ATP11A: variants seen among roughly 807,000 people sequenced by gnomAD.
The protein encoded by ATP11A is ATPase phospholipid transporting 11A.
A neutral mutation model predicts 154.4 loss-of-function variants in ATP11A; 81 were observed. That is an observed-to-expected ratio of 0.52 (90% CI 0.44 to 0.63). The LOEUF (loss-of-function observed/expected upper bound fraction) is 0.63, where lower values mean the gene tolerates loss of function less well. Among genes scored for constraint, ATP11A ranks in the 30% least tolerant of loss-of-function variants. The probability of loss-of-function intolerance (pLI) is 0.00; values close to 1 mark genes in which losing one functional copy is unlikely to be tolerated. For missense variants in ATP11A, 1,316 were observed against 1,474.3 expected (o/e 0.89, Z 1.76); for synonymous variants, 623 against 585.9 (o/e 1.06, Z -0.91).
chr13:112,877,786 G>A (rs1279806038), intron 28 of ATP11A, among the ~76,000 whole-genome samples: 11 of 152,324 alleles, frequency 7.2e-5, no homozygotes, highest in East Asian at 3.9e-4. Flanking sequence ...CGGGGCTGCC[G>A]AGGGCCACGC....
chr13:112,821,492 A>G (rs1435659149), intron 8 of ATP11A, among the ~76,000 whole-genome samples: 1 of 151,988 alleles, frequency 6.6e-6, no homozygotes, highest in Non-Finnish European at 1.5e-5. Flanking sequence ...TTTTGTATTT[A>G]TAGTAGAGAT....
intron 25 of ATP11A, among the ~76,000 whole-genome samples, chr13:112,867,692 C>CCA (rs2080381933): frequency 6.6e-6 from 1 of 152,208 alleles, no homozygotes; most frequent in African/African-American, 2.4e-5. Context: ...CCGGCTGTAC[C>CCA]CTCCAGCCCC....
At position 112,832,927 on chromosome 13, in the gene ATP11A, G is replaced by A. The variant is rs371230621; in HGVS notation, c.1463G>A (p.Ser488Asn). The A allele has an allele frequency of 6.8e-6, 11 of 1,614,114 alleles. No homozygotes were observed. The highest frequency in any genetic ancestry group is 3.3e-4 in the Middle Eastern group (2 of 6,048). Residue 488 changes from serine (S) to asparagine (N), a missense_variant, in exon 14 of 30, where the codon AGC (serine) becomes AAC (asparagine). Ser to Asn is a conservative substitution (Grantham distance 46). Coordinates refer to ENST00000375645, the MANE Select transcript of ATP11A (RefSeq NM_015205.3). ...ACCGTCCAGGTGAAAGACGATGACA[G>A]CGTAGACGGCCCCAGGAAATCGCCG... is the stretch of plus-strand genomic sequence containing the variant. Reference protein sequence around the residue: ...CHTVQVKDDDSVDGPRKSPDG... With the variant: ...CHTVQVKDDDNVDGPRKSPDG...
rs548450130 is a variant in ATP11A at position 112,690,128 on chromosome 13, C to T, written c.-289C>T. On this transcript the variant is annotated 5_prime_UTR_variant, in exon 1 of 30. Coordinates refer to ENST00000375645, the MANE Select transcript of ATP11A (RefSeq NM_015205.3). This position sits in a 1 kb window ranked among gnomAD's most constrained non-coding sequence, Gnocchi z 5.6. ...GGTGCTCCAGCCGAGCCCAACCGAG[C>T]GGGCGGACCGACGGGGAGAGAGAAG... Among the ~76,000 whole-genome samples the T allele has an allele frequency of 4.0e-5, 6 of 148,444 alleles. No individual in the cohort carries two copies. In the South Asian group the frequency reaches 1.0e-3, roughly 26 times the overall value.
At chr13:112,812,378 G>A (rs372549218) in intron 5 of ATP11A, among the ~76,000 whole-genome samples, 22 of 152,146 alleles carry the variant, frequency 1.4e-4, no homozygotes, top group African/African-American at 3.6e-4. Flanking sequence ...TCCCTCCCTC[G>A]TGCAGCCCCA....
At chr13:112,782,021 A>G (rs1432291739) in intron 1 of ATP11A, among the ~76,000 whole-genome samples, 5 of 152,250 alleles carry the variant, frequency 3.3e-5, no homozygotes, top group African/African-American at 9.6e-5. Flanking sequence ...GGCCCACTGC[A>G]TGTTGGCAGG....
intron 11 of ATP11A, 38 bp downstream of exon 11, chr13:112,825,618 C>A (rs984611474): frequency 6.4e-7 from 1 of 1,554,340 alleles, no homozygotes. Context: ...TCCGAGGTGA[C>A]CTGTGGGCCA....
rs939653086 is a variant in ATP11A, at chr13:112,883,466, C to A, written c.*1600C>A. 38 of 353,138 alleles carry A rather than the reference C, an allele frequency of 1.1e-4. No individual in the cohort carries two copies. The highest frequency in any genetic ancestry group is 6.7e-4 in the African/African-American group (32 of 47,740). 21.9% of individuals were successfully genotyped at this position (353,138 alleles called of 1,614,324 possible). On this transcript the variant is annotated 3_prime_UTR_variant, in exon 30 of 30. Coordinates refer to ENST00000375645, the MANE Select transcript of ATP11A (RefSeq NM_015205.3). ...CGCGCCACGCTGTGGAACGGGGCTC[C>A]GGCAAGTGAAACCCAGAGGGTGTTT... is the stretch of plus-strand genomic sequence containing the variant.
Position 112,881,229 on chromosome 13 carries a change from C to G in ATP11A, c.*10-647C>G, listed in dbSNP as rs1163490651. ...GTGCTGCCGGCCTCCTGCCGCTCCC[C>G]TTGCTGGTCAGACCCACAGGGCCCG... On this transcript the variant is annotated intron_variant, in intron 29 of 29. Transcript: ENST00000375645. 4 of 989,534 alleles carry G rather than the reference C, an allele frequency of 4.0e-6. No individual in the cohort carries two copies. The African/African-American group carries it at 7.0e-5, about 17-fold the overall frequency. 61.3% of individuals were successfully genotyped at this position (989,534 alleles called of 1,614,324 possible).
At chr13:112,776,561 G>A (rs1176463226) in intron 1 of ATP11A, among the ~76,000 whole-genome samples, 3 of 152,084 alleles carry the variant, frequency 2.0e-5, no homozygotes, top group Admixed American at 6.6e-5. Flanking sequence ...TTGGTGTTGC[G>A]CTCTGTCAAG....
intron 24 of ATP11A, among the ~76,000 whole-genome samples, chr13:112,861,628 C>T (rs1457916100): frequency 2.6e-5 from 4 of 152,248 alleles, no homozygotes; most frequent in South Asian, 2.1e-4. Flanking sequence ...ATCCGTGCAT[C>T]GGCCTCACTG....
chr13:112,734,728 C>G (rs1890822270), intron 1 of ATP11A, among the ~76,000 whole-genome samples: 1 of 152,190 alleles, frequency 6.6e-6, no homozygotes, highest in Non-Finnish European at 1.5e-5. Context: ...CTCGACACCA[C>G]AAAACTATCC....
chr13:112,777,069 T>C (rs1442552272), intron 1 of ATP11A, among the ~76,000 whole-genome samples: 1 of 152,174 alleles, frequency 6.6e-6, no homozygotes, highest in Non-Finnish European at 1.5e-5. Context: ...GGCAGTGGCC[T>C]CAGGGGTGTT....
In ATP11A at chr13:112,767,788, C is replaced by G. The variant is rs1334289490; in HGVS notation, c.40-17347C>G. 3.9e-5 allele frequency among the ~76,000 whole-genome samples: 6 copies of G among 152,250 alleles called. No homozygotes were observed. In the East Asian group the frequency reaches 1.2e-3, roughly 29 times the overall value. Reference sequence around the variant, plus strand: ...CTCTCAGAGCTCTAGTCTAGGACTCCAGAGCGTGAGTGCGTCTGTGGTGGT... The same window carrying G: ...CTCTCAGAGCTCTAGTCTAGGACTCGAGAGCGTGAGTGCGTCTGTGGTGGT... On this transcript the variant is annotated intron_variant, in intron 1 of 29. Coordinates refer to ENST00000375645, the MANE Select transcript of ATP11A (RefSeq NM_015205.3).
chr13:112,730,381 A>G (rs1421267369), intron 1 of ATP11A, among the ~76,000 whole-genome samples: 2 of 152,242 alleles, frequency 1.3e-5, no homozygotes, highest in Non-Finnish European at 2.9e-5. Flanking sequence ...AATTCCTGGC[A>G]TGGAACAGTT....
chr13:112,867,932 A>G (rs575908928), intron 25 of ATP11A, among the ~76,000 whole-genome samples: 2 of 152,358 alleles, frequency 1.3e-5, no homozygotes, highest in Admixed American at 6.5e-5. Context: ...TTCTTGGGTG[A>G]GAGCTACTTT....
Position 112,883,864 on chromosome 13 carries a change from G to T in ATP11A, c.*1998G>T, listed in dbSNP as rs1334441818. ...TTAGGAACCCAATATGGGCATAAAT[G>T]TAACACCTGTAGCGGGGGCAGATTC... On this transcript the variant is annotated 3_prime_UTR_variant, in exon 30 of 30. Coordinates refer to ENST00000375645, the MANE Select transcript of ATP11A (RefSeq NM_015205.3). 3 of 152,572 alleles carry T rather than the reference G, an allele frequency of 2.0e-5. No individual in the cohort carries two copies. Among genetic ancestry groups the T allele is most frequent in the Admixed American group, 6.5e-5 (1 of 15,284 alleles). The allele number at this position is 152,572 out of a possible 1,614,324, so 9.5% of individuals were successfully genotyped here. A position where few individuals can be genotyped will look rare whatever the true frequency, so the allele number is the denominator to read the frequency against.
At chr13:112,691,535 C>T (rs1049758858) in intron 1 of ATP11A, among the ~76,000 whole-genome samples, 11 of 150,214 alleles carry the variant, frequency 7.3e-5, no homozygotes, top group African/African-American at 1.7e-4. Context: ...GTCCCAAGCA[C>T]AGCGTTTCCT....
chr13:112,768,266 G>T (rs1566452831), intron 1 of ATP11A, among the ~76,000 whole-genome samples: 1 of 152,240 alleles, frequency 6.6e-6, no homozygotes, highest in Admixed American at 6.5e-5. Flanking sequence ...TCTACCAGCA[G>T]CGTCTTCGCT....
Sources: allele counts gnomAD v4.1 joint callset (sites outside exome capture counted in the v4.1 genomes callset), GRCh38; gene constraint gnomAD v4.1.1; non-coding constraint Gnocchi (gnomAD v3.1); transcripts MANE v1.5; gene names NCBI Gene and HGNC (gene_info 2026-07-23, HGNC 2026-07-21).